The following LARGE1 variants were observed in gnomAD, a reference collection of about 807,000 sequenced individuals.
LARGE1 encodes LARGE xylosyl- and glucuronyltransferase 1.
In LARGE1, 43 loss-of-function variants were observed where a neutral mutation model predicts 87.6. That is an observed-to-expected ratio of 0.49 (90% confidence interval 0.38 to 0.63). The LOEUF (loss-of-function observed/expected upper bound fraction) is 0.63. LARGE1 is among the 30% of genes least tolerant of loss of function. LARGE1 has a pLI of 0.00. For synonymous variants in LARGE1, 434 were observed against 394.6 expected (o/e 1.10, Z -1.18); for missense variants, 802 against 1,000.2 (o/e 0.80, Z 2.67).
At chr22:33,490,561 T>G (rs2069793442) in intron 6 of LARGE1, among the ~76,000 whole-genome samples, 1 of 152,242 alleles carries the variant, frequency 6.6e-6, no homozygotes, top group Non-Finnish European at 1.5e-5. Context: ...ATCACTCCAT[T>G]CATTATCCAG....
chr22:33,187,201 G>A (rs1923521577), intron 11 of LARGE1, among the ~76,000 whole-genome samples: 1 of 152,210 alleles, frequency 6.6e-6, no homozygotes, highest in African/African-American at 2.4e-5. Context: ...CATGTTCATT[G>A]CAGCATCACT....
chr22:33,667,277 C>G (rs1406317547), intron 2 of LARGE1, among the ~76,000 whole-genome samples: 1 of 152,206 alleles, frequency 6.6e-6, no homozygotes, highest in Admixed American at 6.5e-5. Context: ...GACTAAGAAG[C>G]GTCAGCCCCA....
the LARGE1 span, among the ~76,000 whole-genome samples, chr22:33,138,629 A>G: frequency 6.6e-6 from 1 of 151,958 alleles, no homozygotes; most frequent in African/African-American, 2.4e-5. Context: ...TTTTTAGTAG[A>G]GACAGGGTTT....
intron 1 of LARGE1, among the ~76,000 whole-genome samples, chr22:33,906,733 T>C (rs2065467950): frequency 6.6e-6 from 1 of 152,122 alleles, no homozygotes; most frequent in South Asian, 2.1e-4. Context: ...CATTTGCTTT[T>C]ACCTTCAGGG....
intron 4 of LARGE1, among the ~76,000 whole-genome samples, chr22:33,618,242 G>A (rs1377503293): frequency 6.6e-6 from 1 of 152,202 alleles, no homozygotes. Context: ...GGACAAGTCA[G>A]TGCCATATCA....
Position 33,384,195 on chromosome 22 carries a change from G to A in LARGE1, c.1002C>T (p.Asp334=). The A allele has an allele frequency of 6.2e-7, 1 of 1,612,018 alleles. No individual in the cohort carries two copies. Among genetic ancestry groups the A allele is most frequent in the South Asian group, 1.1e-5 (1 of 91,036 alleles). Residue 334 remains aspartate, a synonymous_variant, in exon 8 of 15, where the codon GAC becomes GAT. Coordinates refer to ENST00000397394, the MANE Select transcript of LARGE1 (RefSeq NM_133642.5). The part of the protein sequence containing the change: ...LMGMLSTSLA[D]QDIFNAVIKQ... ...ACCTTCGAACCTGGCCACTCACCTGGTCAGCTAAGGATGTAGAGAGCATGC... is the reference window on the plus strand; with the variant it reads ...ACCTTCGAACCTGGCCACTCACCTGATCAGCTAAGGATGTAGAGAGCATGC...
At chr22:33,743,731 C>T (rs973067095) in intron 2 of LARGE1, among the ~76,000 whole-genome samples, 1 of 152,232 alleles carries the variant, frequency 6.6e-6, no homozygotes, top group African/African-American at 2.4e-5. Context: ...ATCACCACCC[C>T]CATTTTACAG....
In LARGE1 at chr22:33,632,599, T is replaced by C. The variant is rs529283510; in HGVS notation, c.409-6273A>G. On this transcript the variant is annotated intron_variant, in intron 3 of 14. Coordinates refer to ENST00000397394, the MANE Select transcript of LARGE1 (RefSeq NM_133642.5). Reference sequence around the variant, plus strand: ...CTGGGTTTCTTAACACCTTCCTGCCTCTGTGTTGCCTCCCCTCAGCCCTGC... The same window carrying C: ...CTGGGTTTCTTAACACCTTCCTGCCCCTGTGTTGCCTCCCCTCAGCCCTGC... Among the ~76,000 whole-genome samples the C allele has an allele frequency of 3.9e-5, 6 of 152,150 alleles. No individual in the cohort carries two copies. The East Asian group carries it at 1.2e-3, about 30-fold the overall frequency.
At chr22:33,313,659 G>A (rs1443743743) in intron 11 of LARGE1, among the ~76,000 whole-genome samples, 1 of 152,184 alleles carries the variant, frequency 6.6e-6, no homozygotes, top group Non-Finnish European at 1.5e-5. Context: ...GGAACTGAGC[G>A]TGGCTTCGAG....
At chr22:33,427,560 C>G (rs554937158) in intron 7 of LARGE1, among the ~76,000 whole-genome samples, 1 of 152,260 alleles carries the variant, frequency 6.6e-6, no homozygotes, top group South Asian at 2.1e-4. Context: ...AGCCCATGCA[C>G]GCTATGGTGC....
chr22:33,740,613 G>C (rs1196928780), intron 2 of LARGE1, among the ~76,000 whole-genome samples: 1 of 152,094 alleles, frequency 6.6e-6, no homozygotes, highest in Non-Finnish European at 1.5e-5. Context: ...TATGTGCTCG[G>C]TATGCAATGA....
At chr22:33,847,495 A>G (rs2063468456) in intron 1 of LARGE1, among the ~76,000 whole-genome samples, 1 of 152,254 alleles carries the variant, frequency 6.6e-6, no homozygotes, top group Admixed American at 6.5e-5. Flanking sequence ...TATGCTTCAC[A>G]TGGTAACAAT....
chr22:33,790,818 A>G (rs989297668), intron 1 of LARGE1, among the ~76,000 whole-genome samples: 1 of 152,234 alleles, frequency 6.6e-6, no homozygotes, highest in Middle Eastern at 3.2e-3. Flanking sequence ...GATATAACTG[A>G]CATGTACATC....
At chr22:33,825,452 G>C (rs939602331) in intron 1 of LARGE1, among the ~76,000 whole-genome samples, 16 of 151,440 alleles carry the variant, frequency 1.1e-4, no homozygotes, top group African/African-American at 3.9e-4. Context: ...TCATAGTTCA[G>C]GGTGGCTGGG....
rs1254885715 is a variant in LARGE1, at chr22:33,891,044, TTCTGTGCATATGGGAAGCTGCATAC to T, written c.-83+28926_-83+28950del. ...TGTGCATATGGGAAGCTGCATACGG[TTCTGTGCATATGGGAAGCTGCATAC>T]GGTTCTGTGAACTCTCGTCTCCTCA... is the stretch of plus-strand genomic sequence containing the variant. On this transcript the variant is annotated intron_variant, in intron 1 of 14. Coordinates refer to ENST00000397394, the MANE Select transcript of LARGE1 (RefSeq NM_133642.5). Among the ~76,000 whole-genome samples, 287 of 144,266 alleles carry T rather than the reference TTCTGTGCATATGGGAAGCTGCATAC, an allele frequency of 2.0e-3. 1 individual carries two copies. Among genetic ancestry groups the T allele is most frequent in the Non-Finnish European group, 3.3e-3 (226 of 67,578 alleles). 94.6% of individuals were successfully genotyped at this position (144,266 alleles called of 152,430 possible).
chr22:33,568,857 T>C (rs2078110735), intron 5 of LARGE1, among the ~76,000 whole-genome samples: 1 of 150,412 alleles, frequency 6.6e-6, no homozygotes, highest in Non-Finnish European at 1.5e-5. Context: ...GATGGATGAA[T>C]GCATGGATGG....
At chr22:33,092,704 A>G in the LARGE1 span, among the ~76,000 whole-genome samples, 15 of 137,342 alleles carry the variant, frequency 1.1e-4, no homozygotes, top group African/African-American at 4.2e-4. Flanking sequence ...GCTCCTACTT[A>G]TAAGTGAGAA....
At chr22:33,898,824 A>T (rs1170799404) in intron 1 of LARGE1, among the ~76,000 whole-genome samples, 1 of 152,184 alleles carries the variant, frequency 6.6e-6, no homozygotes, top group Non-Finnish European at 1.5e-5. Context: ...TCTCCATGAC[A>T]TCTTCTACCA....
chr22:33,659,364 A>G (rs1190471183), intron 2 of LARGE1, among the ~76,000 whole-genome samples: 4 of 152,206 alleles, frequency 2.6e-5, no homozygotes, highest in Non-Finnish European at 5.9e-5. Context: ...TATTGCAGCC[A>G]AAGTCATTTT....
Sources: gnomAD v4.1 joint callset for allele counts (sites outside exome capture counted in the v4.1 genomes callset) on GRCh38, gnomAD v4.1.1 for gene constraint, MANE v1.5 for transcripts, NCBI Gene and HGNC (gene_info 2026-07-23, HGNC 2026-07-21) for gene names.